The following PREX1 variants were observed in gnomAD, a reference collection of about 807,000 sequenced individuals.
The protein encoded by PREX1 is phosphatidylinositol-3,4,5-trisphosphate dependent Rac exchange factor 1.
PREX1 carries 41 observed loss-of-function variants against 198.3 expected under a neutral mutation model. The observed-to-expected ratio is 0.21, with a 90% confidence interval of 0.16 to 0.27. PREX1 has a LOEUF of 0.27. Ranked by LOEUF, PREX1 falls within the 10% of genes least tolerant of loss-of-function variation. The pLI is 1.00. For synonymous variants in PREX1, 843 were observed against 887.2 expected (o/e 0.95, Z 0.89); for missense variants, 1,620 against 2,200.7 (o/e 0.74, Z 5.28).
rs564201435 is a variant in PREX1 at position 48,740,139 on chromosome 20, A to G, written c.414+4886T>C. On this transcript the variant is annotated intron_variant, in intron 3 of 39. Coordinates refer to ENST00000371941, the MANE Select transcript of PREX1 (RefSeq NM_020820.4). ...GTCTGCAAGAGCTCTGTTCCCGATT[A>G]GCATCTCACCAGCCCAGATGCTGCC... 6.6e-5 allele frequency among the ~76,000 whole-genome samples: 10 copies of G among 152,188 alleles called. No homozygotes were observed. The South Asian group carries it at 2.1e-3, about 32-fold the overall frequency.
chr20:48,733,383 T>C (rs1220133603), intron 4 of PREX1, among the ~76,000 whole-genome samples: 3 of 152,160 alleles, frequency 2.0e-5, no homozygotes, highest in African/African-American at 7.2e-5. Context: ...CCAATTACTC[T>C]GTCTACAGCA....
rs1373152651 is a variant in PREX1, at chr20:48,661,468, T to TATATATACACAC, written c.1739-1408_1739-1407insGTGTGTATATAT. Among the ~76,000 whole-genome samples the TATATATACACAC allele has an allele frequency of 2.6e-5, 2 of 76,816 alleles. 1 individual carries two copies. The highest frequency in any genetic ancestry group is 2.0e-4 in the African/African-American group (2 of 9,952). The allele number at this position is 76,816 out of a possible 152,430, so 50.4% of individuals were successfully genotyped here. On this transcript the variant is annotated intron_variant, in intron 15 of 39. Coordinates refer to ENST00000371941, the MANE Select transcript of PREX1 (RefSeq NM_020820.4). ...AAATATATATATATATATATATATATACACACACATATATATAATATAATA... is the reference window on the plus strand; with the variant it reads ...AAATATATATATATATATATATATATATATATACACACACACACACATATATATAATATAATA...
intron 7 of PREX1, among the ~76,000 whole-genome samples, chr20:48,699,505 C>G (rs1282899415): frequency 1.3e-5 from 2 of 152,092 alleles, no homozygotes. Context: ...ATCCAACCCC[C>G]ACATCCATCT....
intron 10 of PREX1, among the ~76,000 whole-genome samples, chr20:48,685,755 C>A (rs1020498358): frequency 1.3e-5 from 2 of 152,152 alleles, no homozygotes; most frequent in African/African-American, 4.8e-5. Context: ...GCTATAGAAG[C>A]CTAGCACAGT....
chr20:48,842,523 A>G, the PREX1 span, among the ~76,000 whole-genome samples: 1 of 151,504 alleles, frequency 6.6e-6, no homozygotes, highest in East Asian at 1.9e-4. Context: ...ACGTGGGTAT[A>G]TTCTCTCTCT....
chr20:48,882,486 A>C, the PREX1 span, among the ~76,000 whole-genome samples: 1 of 121,788 alleles, frequency 8.2e-6, no homozygotes, highest in Non-Finnish European at 1.6e-5. Flanking sequence ...TGGGCAACAC[A>C]GTGAGACTCC....
At chr20:48,864,212 G>C in the PREX1 span, among the ~76,000 whole-genome samples, 3 of 152,136 alleles carry the variant, frequency 2.0e-5, no homozygotes, top group Admixed American at 2.0e-4. Flanking sequence ...CTAAGGGAGA[G>C]GAAATGACAA....
At chr20:48,765,231 T>G (rs2090203193) in intron 1 of PREX1, among the ~76,000 whole-genome samples, 2 of 152,256 alleles carry the variant, frequency 1.3e-5, no homozygotes, top group South Asian at 2.1e-4. Flanking sequence ...TTTCATACAT[T>G]GTTTGGCATA....
chr20:48,657,202 G>A lies in PREX1; in HGVS notation c.1975-14C>T. 6.2e-7 allele frequency: 1 copy of A among 1,612,682 alleles called. No homozygotes were observed. The highest frequency in any genetic ancestry group is 8.5e-7 in the Non-Finnish European group (1 of 1,179,122). On this transcript the variant is annotated splice_polypyrimidine_tract_variant and intron_variant, in intron 17 of 39. Coordinates refer to ENST00000371941, the MANE Select transcript of PREX1 (RefSeq NM_020820.4). ...CAGGCCAGCCACCTGGGTAGGGACG[G>A]CAGAGGACAGACGTGCACACCAGTT...
At chr20:48,802,149 G>A (rs6090908) in intron 1 of PREX1, among the ~76,000 whole-genome samples, 16,671 of 147,326 alleles carry the variant, frequency 0.11, 1,072 homozygotes, top group Middle Eastern at 0.24. Context: ...CCCCACCCCC[G>A]CCAAACCATC....
Position 48,651,575 on chromosome 20 carries a change from G to T in PREX1, c.2476C>A (p.Leu826Met), listed in dbSNP as rs1451099709. The change falls in exon 22 of 40, where the codon CTG becomes ATG. Residue 826 changes from leucine (L) to methionine (M), a missense_variant. Leu to Met is a conservative substitution (Grantham distance 15). This residue lies in a region of PREX1 where 514 missense variants were observed against 611.6 expected (regional missense o/e 0.84). Coordinates refer to ENST00000371941, the MANE Select transcript of PREX1 (RefSeq NM_020820.4). Reference sequence around the variant, plus strand: ...CTCAGCCGGGGACCCAGGGACAGCAGTGGGAAGGCTGGAAGCCAAAAGAGG... The same window carrying T: ...CTCAGCCGGGGACCCAGGGACAGCATTGGGAAGGCTGGAAGCCAAAAGAGG... Reference protein sequence around the residue: ...EEDQADSAFPLLSLGPRLSLC... With the variant: ...EEDQADSAFPMLSLGPRLSLC... 4 of 1,613,026 alleles carry T rather than the reference G, an allele frequency of 2.5e-6. No homozygotes were observed. The Admixed American group carries it at 6.7e-5, about 27-fold the overall frequency.
At chr20:48,774,789 G>A (rs1000417427) in intron 1 of PREX1, among the ~76,000 whole-genome samples, 3 of 152,228 alleles carry the variant, frequency 2.0e-5, no homozygotes, top group Admixed American at 6.5e-5. Context: ...GCAAATCTCC[G>A]GCCCCTCCGC....
At chr20:48,840,465 T>C in the PREX1 span, among the ~76,000 whole-genome samples, 2 of 152,158 alleles carry the variant, frequency 1.3e-5, no homozygotes, top group African/African-American at 4.8e-5. Context: ...TCCATATGCA[T>C]CTGTGAGCAA....
intron 11 of PREX1, among the ~76,000 whole-genome samples, chr20:48,680,925 C>T (rs553870084): frequency 7.2e-5 from 11 of 152,298 alleles, no homozygotes; most frequent in South Asian, 2.1e-4. Flanking sequence ...ACAGTGCCTG[C>T]CACATTATAG....
At chr20:48,629,722 C>T (rs2089299314) in intron 36 of PREX1, 101 bp from the exon 37 acceptor site, 1 of 1,320,594 alleles carries the variant, frequency 7.6e-7, no homozygotes, top group African/African-American at 1.4e-5. Flanking sequence ...TCTAATCCAG[C>T]TGTTCCTGCA....
At chr20:48,640,529 C>T (rs2089400968) in intron 29 of PREX1, among the ~76,000 whole-genome samples, 1 of 152,174 alleles carries the variant, frequency 6.6e-6, no homozygotes, top group Non-Finnish European at 1.5e-5. Context: ...GATCCTGAGA[C>T]AGCAGGATGT....
intron 7 of PREX1, among the ~76,000 whole-genome samples, chr20:48,698,233 T>A (rs959087688): frequency 2.0e-5 from 3 of 152,074 alleles, no homozygotes; most frequent in Non-Finnish European, 4.4e-5. Flanking sequence ...CCACTTGGAA[T>A]CCAGTATCAG....
chr20:48,790,046 T>C (rs1380015998), intron 1 of PREX1, among the ~76,000 whole-genome samples: 1 of 152,196 alleles, frequency 6.6e-6, no homozygotes. Context: ...GTTAAGAGTG[T>C]GGGCTTTGAA....
rs762262761 is a variant in PREX1, at chr20:48,649,526, C to T, written c.3079G>A (p.Ala1027Thr). ...GCAGGCAAGCACTTCCAGGAGGGAG[C>T]AGCCATGGTGGTGATGCAGTGCTGG... ...YTQHCITTMA[A>T]PSWKCLPAAE... Residue 1027 changes from alanine (A) to threonine (T), a missense_variant, in exon 25 of 40, where the codon GCT becomes ACT. This residue lies in a region of PREX1 where 514 missense variants were observed against 611.6 expected (regional missense o/e 0.84). Coordinates refer to ENST00000371941, the MANE Select transcript of PREX1 (RefSeq NM_020820.4). 5 of 1,612,708 alleles carry T rather than the reference C, an allele frequency of 3.1e-6. No individual in the cohort carries two copies. Among genetic ancestry groups the T allele is most frequent in the Non-Finnish European group, 4.2e-6 (5 of 1,179,364 alleles).
Sources: allele counts gnomAD v4.1 joint callset (sites outside exome capture counted in the v4.1 genomes callset), GRCh38; gene constraint gnomAD v4.1.1; regional missense constraint gnomAD v4.1.1; transcripts MANE v1.5; gene names NCBI Gene and HGNC (gene_info 2026-07-23, HGNC 2026-07-21).